FHIT: variants seen among roughly 807,000 people sequenced by gnomAD.
FHIT encodes bis(5'-adenosyl)-triphosphatase.
FHIT carries 19 observed loss-of-function variants against 17.9 expected under a neutral mutation model. The observed-to-expected ratio is 1.06, with a 90% CI of 0.74 to 1.56. The LOEUF (loss-of-function observed/expected upper bound fraction) is 1.56. FHIT is among the 40% of genes most tolerant of loss of function. The pLI is 0.00. For synonymous variants in FHIT, 81 were observed against 69.7 expected, an observed-to-expected ratio of 1.16 and a Z score of -0.81; for missense variants, 248 against 189.2, an observed-to-expected ratio of 1.31 and a Z score of -1.82.
rs115074819 is a variant in FHIT at position 60,228,417 on chromosome 3, G to A, written c.104-214265C>T. Among the ~76,000 whole-genome samples the A allele has an allele frequency of 6.7e-3, 1,021 of 152,110 alleles. 12 individuals are homozygous for A. The highest frequency in any genetic ancestry group is 0.023 in the African/African-American group (960 of 41,490). On this transcript the variant is annotated intron_variant, in intron 5 of 9. Transcript: ENST00000492590. ...AGTAGTTATGATTGTATGACCTTGGGAATACACTAAAAAAGCCACTGAATT... is the reference window on the plus strand; with the variant it reads ...AGTAGTTATGATTGTATGACCTTGGAAATACACTAAAAAAGCCACTGAATT...
chr3:61,109,252 C>A (rs994810106), intron 2 of FHIT, among the ~76,000 whole-genome samples: 1 of 152,156 alleles, frequency 6.6e-6, no homozygotes, highest in African/African-American at 2.4e-5. Flanking sequence ...TAAGCATACC[C>A]TAAGAATAAC....
At chr3:61,123,986 C>G (rs2036537127) in intron 2 of FHIT, among the ~76,000 whole-genome samples, 1 of 152,102 alleles carries the variant, frequency 6.6e-6, no homozygotes, top group South Asian at 2.1e-4. Context: ...CCATTCTTGT[C>G]AGGTTCACTA....
chr3:60,553,500 AAAATATAT>A lies in FHIT; in HGVS notation c.-17-16529_-17-16522del, dbSNP rs1308072880. Reference sequence around the variant, plus strand: ...TATATAAAAATTATATATATTTAAAAAAATATATATATATATATATAGAGAGAGAGAGA... The same window carrying A: ...TATATAAAAATTATATATATTTAAAAATATATATATATAGAGAGAGAGAGA... On this transcript the variant is annotated intron_variant, in intron 4 of 9. Coordinates refer to ENST00000492590, the MANE Select transcript of FHIT (RefSeq NM_002012.4). 423 of 132,992 alleles carry A rather than the reference AAAATATAT, an allele frequency of 3.2e-3. 4 individuals carry two copies. The highest frequency in any genetic ancestry group is 0.015 in the Middle Eastern group (4 of 262). The allele number at this position is 132,992 out of a possible 1,614,324, so 8.2% of individuals were successfully genotyped here.
intron 5 of FHIT, among the ~76,000 whole-genome samples, chr3:60,062,883 C>T (rs1324411000): frequency 6.6e-6 from 1 of 151,922 alleles, no homozygotes. Context: ...ATGTTAATAG[C>T]CATAAAGGCC....
intron 5 of FHIT, among the ~76,000 whole-genome samples, chr3:60,272,726 G>A (rs759957250): frequency 6.6e-6 from 1 of 152,198 alleles, no homozygotes; most frequent in Admixed American, 6.5e-5. Context: ...AGTTAAGAGG[G>A]AAGTGCATCT....
chr3:60,201,417 G>C (rs1702900592), intron 5 of FHIT, among the ~76,000 whole-genome samples: 1 of 152,056 alleles, frequency 6.6e-6, no homozygotes, highest in Non-Finnish European at 1.5e-5. Flanking sequence ...CTAGGCTCAA[G>C]TGATCCTCCC....
intron 5 of FHIT, among the ~76,000 whole-genome samples, chr3:60,366,254 C>T (rs1342266238): frequency 6.6e-6 from 1 of 152,152 alleles, no homozygotes; most frequent in East Asian, 1.9e-4. Context: ...CAGCTCAATG[C>T]AACCTCTGCC....
chr3:59,994,190 A>C (rs1468325571), intron 7 of FHIT, among the ~76,000 whole-genome samples: 1 of 152,120 alleles, frequency 6.6e-6, no homozygotes, highest in Non-Finnish European at 1.5e-5. Flanking sequence ...TACAAAAATA[A>C]GATAAGCCAT....
At chr3:60,966,280 A>T (rs1189237612) in intron 3 of FHIT, among the ~76,000 whole-genome samples, 1 of 152,200 alleles carries the variant, frequency 6.6e-6, no homozygotes, top group Non-Finnish European at 1.5e-5. Flanking sequence ...TTGCTAAGAC[A>T]GTTGGAAAAG....
chr3:60,636,493 G>A (rs951973027), intron 4 of FHIT, among the ~76,000 whole-genome samples: 4 of 152,190 alleles, frequency 2.6e-5, no homozygotes, highest in Non-Finnish European at 4.4e-5. Flanking sequence ...AATTCCTATG[G>A]ATGGACACAA....
intron 7 of FHIT, among the ~76,000 whole-genome samples, chr3:59,925,433 C>T (rs1430156146): frequency 2.0e-5 from 3 of 152,270 alleles, no homozygotes; most frequent in South Asian, 4.1e-4. Context: ...GAATGCTTCT[C>T]TGGCTTTCTG....
chr3:60,464,387 C>G (rs2032665044), intron 5 of FHIT, among the ~76,000 whole-genome samples: 1 of 152,040 alleles, frequency 6.6e-6, no homozygotes, highest in African/African-American at 2.4e-5. Flanking sequence ...TATTTTTAAG[C>G]TATTTTAAAA....
At chr3:60,113,607 T>C (rs11712298) in intron 5 of FHIT, among the ~76,000 whole-genome samples, 14,940 of 151,724 alleles carry the variant, frequency 0.098, 1,481 homozygotes, top group East Asian at 0.44. Flanking sequence ...GACAGCTGCA[T>C]TGGAAAACAG....
chr3:59,797,544 T>C (rs1415206831), intron 8 of FHIT, among the ~76,000 whole-genome samples: 1 of 152,226 alleles, frequency 6.6e-6, no homozygotes. Flanking sequence ...AGAGTATTAT[T>C]TGTCATTTCT....
chr3:60,219,723 C>G (rs541430080), intron 5 of FHIT, among the ~76,000 whole-genome samples: 2 of 152,210 alleles, frequency 1.3e-5, no homozygotes, highest in African/African-American at 4.8e-5. Context: ...GCTTTGTTCT[C>G]CTCACTCCAT....
intron 5 of FHIT, among the ~76,000 whole-genome samples, chr3:60,062,613 T>A (rs1008702597): frequency 7.9e-5 from 12 of 152,176 alleles, no homozygotes; most frequent in African/African-American, 2.9e-4. Flanking sequence ...GCTGGATTTA[T>A]CCTAAGAAGG....
intron 5 of FHIT, among the ~76,000 whole-genome samples, chr3:60,015,587 G>A (rs1352684451): frequency 6.6e-6 from 1 of 152,108 alleles, no homozygotes; most frequent in Non-Finnish European, 1.5e-5. Context: ...TGTTAAAAGG[G>A]ACCCTTCCCC....
At chr3:61,029,363 C>T (rs1011307487) in intron 3 of FHIT, among the ~76,000 whole-genome samples, 2 of 152,128 alleles carry the variant, frequency 1.3e-5, no homozygotes, top group African/African-American at 2.4e-5. Context: ...AACTCCTCCC[C>T]GAGGGAATAA....
At chr3:61,186,350 ACCTTGTG>A (rs2038508298) in intron 2 of FHIT, among the ~76,000 whole-genome samples, 1 of 152,206 alleles carries the variant, frequency 6.6e-6, no homozygotes, top group South Asian at 2.1e-4. Context: ...AACCAGGTAG[ACCTTGTG>A]CCCTGGGCCA....
Sources: gnomAD v4.1 joint callset for allele counts (sites outside exome capture counted in the v4.1 genomes callset) on GRCh38, gnomAD v4.1.1 for gene constraint, MANE v1.5 for transcripts, NCBI Gene and HGNC (gene_info 2026-07-23, HGNC 2026-07-21) for gene names.